The following GRIP1 variants were observed in gnomAD, a reference collection of about 807,000 sequenced individuals.
GRIP1 encodes the protein glutamate receptor interacting protein 1.
Under a neutral mutation model 129.9 loss-of-function variants are expected in GRIP1, and 45 were observed. That is an observed-to-expected ratio of 0.35 (90% CI 0.27 to 0.44). The LOEUF is 0.44. GRIP1 is among the 20% of genes least tolerant of loss of function. The probability of loss-of-function intolerance (pLI) is 1.00; values close to 1 mark genes in which losing one functional copy is unlikely to be tolerated. For synonymous variants in GRIP1, 530 were observed against 520.8 expected (o/e 1.02, Z -0.24); for missense variants, 1,196 against 1,396.8 (o/e 0.86, Z 2.29).
Position 66,764,443 on chromosome 12 carries a change from A to G in GRIP1, c.-420+39610T>C, listed in dbSNP as rs76942831. Among the ~76,000 whole-genome samples the G allele has an allele frequency of 6.0e-3, 916 of 152,342 alleles. 12 individuals are homozygous for G. The highest frequency in any genetic ancestry group is 6.5e-3 in the Non-Finnish European group (439 of 68,028). On this transcript the variant is annotated intron_variant, in intron 1 of 4. Coordinates refer to the GRIP1 transcript ENST00000538373. The stretch of plus-strand genomic sequence containing the variant: ...TATGATGTTTTCCATAAGAGAAAGC[A>G]TTACTGAGGAAAAGTTATTATTTTA...
intron 1 of GRIP1, among the ~76,000 whole-genome samples, chr12:66,996,953 C>T (rs1012407870): frequency 3.3e-5 from 5 of 152,122 alleles, no homozygotes; most frequent in African/African-American, 9.7e-5. Context: ...TTCTCAGGAA[C>T]TGGGGCATGA....
chr12:66,652,209 C>T (rs554039720), intron 1 of GRIP1, among the ~76,000 whole-genome samples: 131 of 152,244 alleles, frequency 8.6e-4, no homozygotes, highest in Admixed American at 1.7e-3. Context: ...CCTATAATCC[C>T]CACATGTCGA....
chr12:66,626,231 T>C (rs34037851), intron 1 of GRIP1, among the ~76,000 whole-genome samples: 29,890 of 151,410 alleles, frequency 0.2, 3,067 homozygotes, highest in Non-Finnish European at 0.23. Flanking sequence ...TCCCAGCTAC[T>C]TGGGAGGCTG....
chr12:66,459,837 C>A (rs2059081881), intron 9 of GRIP1, among the ~76,000 whole-genome samples: 2 of 152,152 alleles, frequency 1.3e-5, no homozygotes, highest in African/African-American at 4.8e-5. Flanking sequence ...CAGTGGTGTA[C>A]TTGATAGGCA....
intron 1 of GRIP1, among the ~76,000 whole-genome samples, chr12:66,697,759 G>A (rs773805843): frequency 1.3e-4 from 20 of 152,152 alleles, no homozygotes; most frequent in Non-Finnish European, 2.8e-4. Context: ...GAAGTGAAAA[G>A]CAACAGATTC....
Position 66,849,271 on chromosome 12 carries a change from A to G in GRIP1, c.58+219779T>C, listed in dbSNP as rs146928357. ...GCCATAACCATTTCTTCCATCTCCTACAAGGCTCATCTCACATCCAAACCT... is the reference window on the plus strand; with the variant it reads ...GCCATAACCATTTCTTCCATCTCCTGCAAGGCTCATCTCACATCCAAACCT... On this transcript the variant is annotated intron_variant, in intron 1 of 1. Coordinates refer to the GRIP1 transcript ENST00000643019. Among the ~76,000 whole-genome samples the G allele has an allele frequency of 5.9e-3, 896 of 152,176 alleles. 12 individuals carry two copies. Among genetic ancestry groups the G allele is most frequent in the Non-Finnish European group, 7.2e-3 (489 of 68,010 alleles).
intron 11 of GRIP1, among the ~76,000 whole-genome samples, chr12:66,450,303 C>CAAAAAAAAAAAAAAAAAAAAAAAAAAA (rs143013040): frequency 3.7e-5 from 1 of 26,802 alleles, no homozygotes; most frequent in Non-Finnish European, 6.2e-5. Flanking sequence ...GACTCCATCT[C>CAAAAAAAAAAAAAAAAAAAAAAAAAAA]AAAAAAAAAA....
At chr12:66,515,125 A>G (rs1468074936) in intron 7 of GRIP1, among the ~76,000 whole-genome samples, 1 of 152,132 alleles carries the variant, frequency 6.6e-6, no homozygotes, top group Non-Finnish European at 1.5e-5. Flanking sequence ...TTAATCAATG[A>G]TACTACATCT....
intron 1 of GRIP1, among the ~76,000 whole-genome samples, chr12:66,878,760 G>A (rs1327247771): frequency 6.6e-6 from 1 of 151,976 alleles, no homozygotes; most frequent in Non-Finnish European, 1.5e-5. Flanking sequence ...AAACAAGAAA[G>A]AATATATAAT....
chr12:66,588,763 G>T (rs1360027533), intron 2 of GRIP1, among the ~76,000 whole-genome samples: 1 of 151,958 alleles, frequency 6.6e-6, no homozygotes, highest in Non-Finnish European at 1.5e-5. Flanking sequence ...GAGGTCAGGA[G>T]TTCAAGACCA....
chr12:66,908,181 AC>A (rs2040966859), intron 1 of GRIP1, among the ~76,000 whole-genome samples: 1 of 152,162 alleles, frequency 6.6e-6, no homozygotes, highest in Admixed American at 6.5e-5. Context: ...GGCCGAAAAT[AC>A]AGATGCTAAT....
chr12:66,770,621 G>T (rs2037788273), intron 1 of GRIP1, among the ~76,000 whole-genome samples: 1 of 152,180 alleles, frequency 6.6e-6, no homozygotes, highest in Non-Finnish European at 1.5e-5. Context: ...ACAAGCAGGG[G>T]ACTGAGGACC....
chr12:66,787,192 T>G (rs1007603277), intron 1 of GRIP1, among the ~76,000 whole-genome samples: 7 of 152,300 alleles, frequency 4.6e-5, no homozygotes, highest in Admixed American at 1.3e-4. Flanking sequence ...TTGTTTTCAT[T>G]CTAAAGCTCC....
intron 1 of GRIP1, among the ~76,000 whole-genome samples, chr12:66,770,851 T>G (rs1414266375): frequency 6.6e-6 from 1 of 152,122 alleles, no homozygotes; most frequent in Non-Finnish European, 1.5e-5. Flanking sequence ...ATCCCAGCAC[T>G]TTGGGAGGCC....
At chr12:66,908,575 G>C (rs758350140) in intron 1 of GRIP1, among the ~76,000 whole-genome samples, 3 of 152,132 alleles carry the variant, frequency 2.0e-5, no homozygotes, top group Non-Finnish European at 2.9e-5. Context: ...TGAAGAAACA[G>C]TGTTGCATAT....
chr12:66,353,608 C>G (rs1565657761), intron 23 of GRIP1, 45 bp from the exon 24 acceptor site: 1 of 1,569,064 alleles, frequency 6.4e-7, no homozygotes, highest in Admixed American at 1.7e-5. Context: ...GGGGTGGAGA[C>G]TTTTCCTTCT....
intron 1 of GRIP1, among the ~76,000 whole-genome samples, chr12:66,950,259 T>C (rs955216563): frequency 4.6e-5 from 7 of 152,178 alleles, no homozygotes; most frequent in African/African-American, 1.7e-4. Flanking sequence ...CTAATAGTTC[T>C]CAAAATTAAT....
At chr12:66,847,881 A>G (rs1005562280) in intron 1 of GRIP1, among the ~76,000 whole-genome samples, 16 of 152,170 alleles carry the variant, frequency 1.1e-4, no homozygotes, top group Non-Finnish European at 2.1e-4. Context: ...ACTGGATATG[A>G]GTATGTGTTT....
At chr12:66,461,891 T>C (rs1395291635) in intron 9 of GRIP1, among the ~76,000 whole-genome samples, 1 of 152,132 alleles carries the variant, frequency 6.6e-6, no homozygotes. Flanking sequence ...ACCCTGACAA[T>C]ACTAGTGAGG....
Sources: allele counts gnomAD v4.1 joint callset (sites outside exome capture counted in the v4.1 genomes callset), GRCh38; gene constraint gnomAD v4.1.1; transcripts MANE v1.5; gene names NCBI Gene and HGNC (gene_info 2026-07-23, HGNC 2026-07-21).